MAGI2: variants seen among roughly 807,000 people sequenced by gnomAD.
MAGI2 encodes membrane-associated guanylate kinase, WW and PDZ domain-containing protein 2.
MAGI2 carries 35 observed loss-of-function variants against 133.3 expected under a neutral mutation model. That is an observed-to-expected ratio of 0.26 (90% confidence interval 0.20 to 0.35). MAGI2 has a LOEUF of 0.35. Ranked by LOEUF, MAGI2 falls within the 10% of genes least tolerant of loss-of-function variation. MAGI2 has a pLI of 1.00. For missense variants in MAGI2, 1,636 were observed against 1,863.4 expected (o/e 0.88, Z 2.25); for synonymous variants, 729 against 710.6 (o/e 1.03, Z -0.41).
At chr7:79,173,517 A>G (rs922973309) in intron 1 of MAGI2, among the ~76,000 whole-genome samples, 3 of 151,980 alleles carry the variant, frequency 2.0e-5, no homozygotes, top group Non-Finnish European at 4.4e-5. Flanking sequence ...ATTTTTGCAG[A>G]GATGGGGTCT....
chr7:78,653,992 T>C (rs1811866349), intron 2 of MAGI2, among the ~76,000 whole-genome samples: 1 of 152,192 alleles, frequency 6.6e-6, no homozygotes, highest in Non-Finnish European at 1.5e-5. Flanking sequence ...AGTGATACCC[T>C]GAAAATTACA....
chr7:78,514,362 C>G (rs1795866935), intron 4 of MAGI2, among the ~76,000 whole-genome samples: 1 of 151,910 alleles, frequency 6.6e-6, no homozygotes, highest in South Asian at 2.1e-4. Context: ...TACACCTAGA[C>G]AGTCAGAACA....
intron 2 of MAGI2, among the ~76,000 whole-genome samples, chr7:78,701,142 T>C (rs1167212517): frequency 2.0e-5 from 3 of 151,844 alleles, no homozygotes; most frequent in African/African-American, 7.2e-5. Context: ...TAAGAAAGAC[T>C]GAACATTAAT....
intron 21 of MAGI2, among the ~76,000 whole-genome samples, chr7:78,062,141 A>C (rs1373086990): frequency 6.6e-6 from 1 of 152,062 alleles, no homozygotes; most frequent in Non-Finnish European, 1.5e-5. Context: ...TAGTGTAGAG[A>C]TGGTATCTTA....
At chr7:79,223,386 C>T (rs1830608174) in intron 1 of MAGI2, among the ~76,000 whole-genome samples, 2 of 152,014 alleles carry the variant, frequency 1.3e-5, no homozygotes, top group African/African-American at 4.8e-5. Flanking sequence ...CTTCATTATG[C>T]ATGTCTAGAG....
At chr7:78,924,619 G>A (rs904851310) in intron 2 of MAGI2, among the ~76,000 whole-genome samples, 1 of 152,012 alleles carries the variant, frequency 6.6e-6, no homozygotes, top group Non-Finnish European at 1.5e-5. Context: ...GGGGATTTTT[G>A]AATCAATGTT....
intron 1 of MAGI2, among the ~76,000 whole-genome samples, chr7:79,309,773 A>G (rs1045036955): frequency 6.6e-6 from 1 of 151,890 alleles, no homozygotes; most frequent in Non-Finnish European, 1.5e-5. Flanking sequence ...TGTGTTCATC[A>G]CTGTGAAGAT....
At chr7:79,378,666 T>A (rs1296015606) in intron 1 of MAGI2, among the ~76,000 whole-genome samples, 1 of 151,546 alleles carries the variant, frequency 6.6e-6, no homozygotes, top group Non-Finnish European at 1.5e-5. Flanking sequence ...TAGAGGAGGA[T>A]AAAGCTCTTT....
chr7:78,759,437 C>G (rs1824268487), intron 2 of MAGI2, among the ~76,000 whole-genome samples: 1 of 151,992 alleles, frequency 6.6e-6, no homozygotes, highest in Admixed American at 6.6e-5. Context: ...AATTTTTTTT[C>G]ACAGCATGGT....
At chr7:79,013,083 G>A (rs1352352664) in intron 1 of MAGI2, among the ~76,000 whole-genome samples, 3 of 152,128 alleles carry the variant, frequency 2.0e-5, no homozygotes, top group Non-Finnish European at 4.4e-5. Flanking sequence ...AACAATGGGT[G>A]TAGGACCAAA....
At chr7:78,608,868 G>A (rs776784558) in intron 3 of MAGI2, among the ~76,000 whole-genome samples, 12 of 152,088 alleles carry the variant, frequency 7.9e-5, no homozygotes, top group Non-Finnish European at 1.8e-4. Context: ...TTCCCTAGAG[G>A]GGCAGAACTA....
intron 3 of MAGI2, among the ~76,000 whole-genome samples, chr7:78,576,100 TACC>T (rs1208940972): frequency 2.0e-5 from 3 of 148,894 alleles, no homozygotes; most frequent in South Asian, 2.1e-4. Context: ...TCATGAAAAC[TACC>T]ACAACAGTAG....
At chr7:78,510,109 T>A (rs1339003092) in intron 4 of MAGI2, among the ~76,000 whole-genome samples, 2 of 152,198 alleles carry the variant, frequency 1.3e-5, no homozygotes, top group Non-Finnish European at 2.9e-5. Context: ...TATTTGTAGT[T>A]CATAAAGAGA....
At chr7:78,857,622 A>G (rs1351694698) in intron 2 of MAGI2, among the ~76,000 whole-genome samples, 2 of 152,192 alleles carry the variant, frequency 1.3e-5, no homozygotes, top group Non-Finnish European at 2.9e-5. Context: ...CATGGTGGAT[A>G]AGCTTTTTGA....
At chr7:78,183,167 G>A (rs576836773) in intron 13 of MAGI2, among the ~76,000 whole-genome samples, 23 of 152,012 alleles carry the variant, frequency 1.5e-4, no homozygotes, top group African/African-American at 4.8e-4. Flanking sequence ...TATGATAAAC[G>A]TATCTGAGTC....
chr7:78,797,485 G>T (rs917227037), intron 2 of MAGI2, among the ~76,000 whole-genome samples: 1 of 152,088 alleles, frequency 6.6e-6, no homozygotes, highest in Admixed American at 6.6e-5. Flanking sequence ...AGAGAATGGA[G>T]CTTTTTATTT....
At chr7:79,368,090 C>G (rs964258562) in intron 1 of MAGI2, among the ~76,000 whole-genome samples, 6 of 151,798 alleles carry the variant, frequency 4.0e-5, no homozygotes, top group Admixed American at 6.6e-5. Context: ...GGATGAGACA[C>G]GGCCCTTATA....
chr7:79,378,966 ATATATT>A (rs1462960899), intron 1 of MAGI2, among the ~76,000 whole-genome samples: 12 of 89,950 alleles, frequency 1.3e-4, no homozygotes, highest in African/African-American at 4.7e-4. Flanking sequence ...ATATATATAT[ATATATT>A]AAACTTTAAG....
In MAGI2 at chr7:78,345,969, G is replaced by A. The variant is rs1790864426; in HGVS notation, c.1178C>T (p.Pro393Leu). The A allele has an allele frequency of 3.1e-6, 5 of 1,614,136 alleles. No homozygotes were observed. The East Asian group carries it at 8.9e-5, about 29-fold the overall frequency. The change falls in exon 8 of 22, where the codon CCC becomes CTC. Residue 393 changes from proline (P) to leucine (L), a missense_variant. Pro to Leu is a moderately conservative substitution (Grantham distance 98, BLOSUM62 -3). This residue lies in a region of MAGI2 where 920 missense variants were observed against 1,093.5 expected (regional missense o/e 0.84). Coordinates refer to ENST00000354212, the MANE Select transcript of MAGI2 (RefSeq NM_012301.4). ...AKRKLQQHNM[P>L]HTELGTKPLQ... The stretch of plus-strand genomic sequence containing the variant: ...GGGCTTTGTTCCAAGTTCTGTGTGG[G>A]GCATGTTATGTTGCTGTAGCTTCCT...
Sources: gnomAD v4.1 joint callset for allele counts (sites outside exome capture counted in the v4.1 genomes callset) on GRCh38, gnomAD v4.1.1 for gene constraint, gnomAD v4.1.1 regional missense constraint, MANE v1.5 for transcripts, NCBI Gene and HGNC (gene_info 2026-07-23, HGNC 2026-07-21) for gene names.